Variants in RD3 observed in about 807,000 individuals in gnomAD.
The protein encoded by RD3 is RD3 regulator of GUCY2D.
RD3 carries 11 observed loss-of-function variants against 16.9 expected under a neutral mutation model. That is an observed-to-expected ratio of 0.65 (90% CI 0.41 to 1.08). RD3 has a LOEUF of 1.08. Ranked by LOEUF, RD3 falls within the 50% of genes least tolerant of loss-of-function variation. The probability of loss-of-function intolerance (pLI) is 0.00; values close to 1 mark genes in which losing one functional copy is unlikely to be tolerated. For missense variants in RD3, 274 were observed against 267.4 expected, an observed-to-expected ratio of 1.02 and a Z score of -0.17; for synonymous variants, 116 against 114.8, an observed-to-expected ratio of 1.01 and a Z score of -0.07.
At chr1:211,480,050 A>T (rs1293304803) in intron 2 of RD3, among the ~76,000 whole-genome samples, 1 of 152,166 alleles carries the variant, frequency 6.6e-6, no homozygotes, top group African/African-American at 2.4e-5. Flanking sequence ...CAGGACAATC[A>T]TGACCTGTGT....
intron 1 of RD3, among the ~76,000 whole-genome samples, chr1:211,483,584 C>A (rs1322196525): frequency 3.9e-5 from 6 of 151,942 alleles, no homozygotes; most frequent in Non-Finnish European, 4.4e-5. Flanking sequence ...ACCATTAGAC[C>A]CTACTCCTGG....
At position 211,486,130 on chromosome 1, in the gene RD3, GA is replaced by G. The variant is rs564674872; in HGVS notation, c.-11-4705del. On this transcript the variant is annotated intron_variant, in intron 1 of 2. Transcript: ENST00000680073. Reference sequence around the variant, plus strand: ...CGCGCCACTGCACTCCAGCCTGGGTGACAGAGTGAGACCCCATCTCAAAAAA... The same window carrying G: ...CGCGCCACTGCACTCCAGCCTGGGTGCAGAGTGAGACCCCATCTCAAAAAA... Among the ~76,000 whole-genome samples the G allele has an allele frequency of 1.4e-3, 194 of 142,160 alleles. 3 individuals are homozygous for G. The highest frequency in any genetic ancestry group is 4.6e-3 in the African/African-American group (178 of 38,472). The allele number at this position is 142,160 out of a possible 152,430, so 93.3% of individuals were successfully genotyped here. A position where few individuals can be genotyped will look rare whatever the true frequency, so the allele number is the denominator to read the frequency against.
rs778556974 is a variant in RD3, at chr1:211,478,804, C to G, written c.*232G>C. Reference sequence around the variant, plus strand: ...GGAAGGGGCTGCTCCTGCAGACTAGCGCAGGAGAGGGAGAGGGCGGTGCCG... The same window carrying G: ...GGAAGGGGCTGCTCCTGCAGACTAGGGCAGGAGAGGGAGAGGGCGGTGCCG... On this transcript the variant is annotated 3_prime_UTR_variant, in exon 3 of 3. Transcript: ENST00000680073. 1.8e-6 allele frequency: 1 copy of G among 553,430 alleles called. No individual in the cohort carries two copies. Among genetic ancestry groups the G allele is most frequent in the Admixed American group, 3.2e-5 (1 of 31,066 alleles). 34.3% of individuals were successfully genotyped at this position (553,430 alleles called of 1,614,324 possible). A position where few individuals can be genotyped will look rare whatever the true frequency, so the allele number is the denominator to read the frequency against.
At chr1:211,490,337 C>T (rs17017564) in intron 1 of RD3, among the ~76,000 whole-genome samples, 14,394 of 152,350 alleles carry the variant, frequency 0.094, 754 homozygotes, top group Middle Eastern at 0.13. Flanking sequence ...CCAGGAAGGC[C>T]AATTTCTCAG....
intron 2 of RD3, among the ~76,000 whole-genome samples, chr1:211,480,170 T>C (rs938113368): frequency 2.6e-5 from 4 of 151,982 alleles, no homozygotes; most frequent in Non-Finnish European, 5.9e-5. Context: ...CTGGAATAGA[T>C]ACACTTTGGA....
Position 211,477,396 on chromosome 1 carries a change from G to A in RD3, c.*1640C>T, listed in dbSNP as rs1182746125. 8 of 151,846 alleles carry A rather than the reference G, an allele frequency of 5.3e-5. No individual in the cohort carries two copies. The highest frequency in any genetic ancestry group is 1.9e-4 in the African/African-American group (8 of 41,390). The allele number at this position is 151,846 out of a possible 1,614,324, so 9.4% of individuals were successfully genotyped here. A position where few individuals can be genotyped will look rare whatever the true frequency, so the allele number is the denominator to read the frequency against. Reference sequence around the variant, plus strand: ...TTGAACCCGGGAGGCAAAGGTTGTGGTGAGCCGAGATCACGCCACTGCACT... The same window carrying A: ...TTGAACCCGGGAGGCAAAGGTTGTGATGAGCCGAGATCACGCCACTGCACT... On this transcript the variant is annotated 3_prime_UTR_variant, in exon 3 of 3. Coordinates refer to ENST00000680073, the MANE Select transcript of RD3 (RefSeq NM_001164688.2).
chr1:211,490,290 C>T (rs1530436), intron 1 of RD3, among the ~76,000 whole-genome samples: 18,147 of 152,266 alleles, frequency 0.12, 1,684 homozygotes, highest in East Asian at 0.45. Flanking sequence ...GGCCCTGCGC[C>T]GGCCCCAGCC....
intron 1 of RD3, among the ~76,000 whole-genome samples, chr1:211,485,245 G>C (rs921327941): frequency 6.6e-6 from 1 of 152,288 alleles, no homozygotes; most frequent in Non-Finnish European, 1.5e-5. Context: ...AATTTTGTGG[G>C]CTCTAAGCCT....
intron 1 of RD3, among the ~76,000 whole-genome samples, chr1:211,487,527 T>G (rs1267495494): frequency 6.6e-6 from 1 of 152,242 alleles, no homozygotes; most frequent in Non-Finnish European, 1.5e-5. Context: ...ATCTGGGGGA[T>G]ATTGATAGAT....
intron 1 of RD3, among the ~76,000 whole-genome samples, chr1:211,483,908 C>CGGAG (rs1047523836): frequency 1.3e-5 from 2 of 152,168 alleles, no homozygotes; most frequent in African/African-American, 4.8e-5. Context: ...TGCGAGCATG[C>CGGAG]GGAGTCACTG....
In RD3 at chr1:211,481,192, G is replaced by A. The variant is rs1249040476; in HGVS notation, c.224C>T (p.Pro75Leu). The A allele has an allele frequency of 6.2e-7, 1 of 1,614,264 alleles. No homozygotes were observed. The highest frequency in any genetic ancestry group is 2.2e-5 in the East Asian group (1 of 44,890). Reference protein sequence around the residue: ...STPRSTYDLSPIERLQLEDVC... With the variant: ...STPRSTYDLSLIERLQLEDVC... Reference sequence around the variant, plus strand: ...ATCTTCCAGCTGCAACCGCTCAATGGGGCTGAGGTCATAGGTGGACCGGGG... The same window carrying A: ...ATCTTCCAGCTGCAACCGCTCAATGAGGCTGAGGTCATAGGTGGACCGGGG... The change falls in exon 2 of 3, where the codon CCC becomes CTC. Residue 75 changes from proline to leucine, a missense_variant. Transcript: ENST00000680073.
At position 211,481,322 on chromosome 1, in the gene RD3, C is replaced by A. The variant is rs368003568; in HGVS notation, c.94G>T (p.Glu32Ter). The A allele has an allele frequency of 2.5e-6, 4 of 1,614,218 alleles. No individual in the cohort carries two copies. The highest frequency in any genetic ancestry group is 2.2e-5 in the East Asian group (1 of 44,890). ...AEMVLETLMM[E>*]LTGQMREAER... ...GCCTCTCGCATCTGCCCCGTCAGCT[C>A]CATCATAAGCGTCTCCAGCACCATC... is the stretch of plus-strand genomic sequence containing the variant. The change falls in exon 2 of 3, where the codon GAG (glutamate) becomes TAG (stop). Residue 32 changes from glutamate (E) to a stop codon, truncating the protein, a stop_gained. Coordinates refer to ENST00000680073, the MANE Select transcript of RD3 (RefSeq NM_001164688.2). LOFTEE classifies it high-confidence loss of function.
chr1:211,486,088 T>C (rs943867727), intron 1 of RD3, among the ~76,000 whole-genome samples: 2 of 151,462 alleles, frequency 1.3e-5, no homozygotes, highest in Non-Finnish European at 2.9e-5. Flanking sequence ...GAGGTAGCGG[T>C]TGCAGTGAGT....
chr1:211,486,672 A>T (rs1012280339), intron 1 of RD3, among the ~76,000 whole-genome samples: 2 of 152,056 alleles, frequency 1.3e-5, no homozygotes, highest in East Asian at 1.9e-4. Flanking sequence ...AACATGGTGA[A>T]ATCCCGTCTC....
At chr1:211,483,625 A>G (rs966891970) in intron 1 of RD3, among the ~76,000 whole-genome samples, 2 of 151,078 alleles carry the variant, frequency 1.3e-5, no homozygotes, top group Non-Finnish European at 2.9e-5. Context: ...TTTACTTCTT[A>G]GCCCTTACCT....
chr1:211,488,364 A>T (rs752874773), intron 1 of RD3, among the ~76,000 whole-genome samples: 1 of 152,016 alleles, frequency 6.6e-6, no homozygotes, highest in Non-Finnish European at 1.5e-5. Flanking sequence ...GTGAAACCCC[A>T]TCTCTACTAA....
At chr1:211,480,146 G>A (rs979625807) in intron 2 of RD3, among the ~76,000 whole-genome samples, 3 of 151,656 alleles carry the variant, frequency 2.0e-5, no homozygotes, top group African/African-American at 7.3e-5. Flanking sequence ...ACCCACCCCC[G>A]TCCCCAGGTG....
At position 211,479,266 on chromosome 1, in the gene RD3, AGCG is replaced by A. The variant is rs1705214179; in HGVS notation, c.355_357del (p.Arg119del). ...CTCTCCAGGACCTCCTGCAGCACCG[AGCG>A]GAAGAGCTGGGACACCTCCTGCACC... On this transcript the variant is annotated inframe_deletion, in exon 3 of 3. Transcript: ENST00000680073. The A allele has an allele frequency of 6.2e-7, 1 of 1,606,514 alleles. No homozygotes were observed. Among genetic ancestry groups the A allele is most frequent in the Non-Finnish European group, 8.5e-7 (1 of 1,176,570 alleles).
At position 211,491,836 on chromosome 1, in the gene RD3, G is replaced by C. The variant is rs574651452; in HGVS notation, c.-80C>G. The C allele has an allele frequency of 6.6e-6, 1 of 152,474 alleles. No homozygotes were observed. The highest frequency in any genetic ancestry group is 1.9e-4 in the East Asian group (1 of 5,186). The allele number at this position is 152,474 out of a possible 1,614,324, so 9.4% of individuals were successfully genotyped here. On this transcript the variant is annotated 5_prime_UTR_variant, in exon 1 of 3. Transcript: ENST00000680073. ...GCCTGCGTTCTGCTTCCCAGTCTGGGAGAAGAGAGTGTCTGGATATTTTCA... is the reference window on the plus strand; with the variant it reads ...GCCTGCGTTCTGCTTCCCAGTCTGGCAGAAGAGAGTGTCTGGATATTTTCA...
Sources: allele counts gnomAD v4.1 joint callset (sites outside exome capture counted in the v4.1 genomes callset), GRCh38; gene constraint gnomAD v4.1.1; transcripts MANE v1.5; gene names NCBI Gene and HGNC (gene_info 2026-07-23, HGNC 2026-07-21).